The following HSPA12A variants were observed in gnomAD, a reference collection of about 807,000 sequenced individuals.
HSPA12A encodes heat shock 70 kDa protein 12A.
A neutral mutation model predicts 69.2 loss-of-function variants in HSPA12A; 28 were observed. The ratio of observed to expected loss-of-function variants is 0.40; its 90% CI spans 0.30 to 0.55. HSPA12A has a LOEUF of 0.55. Among genes scored for constraint, HSPA12A ranks in the 20% least tolerant of loss-of-function variants. The pLI is 0.38. For synonymous variants in HSPA12A, 345 were observed against 370.5 expected, an observed-to-expected ratio of 0.93 and a Z score of 0.79; for missense variants, 686 against 900.7, an observed-to-expected ratio of 0.76 and a Z score of 3.05.
chr10:116,712,072 C>T (rs908365154), intron 1 of HSPA12A, among the ~76,000 whole-genome samples: 2 of 152,226 alleles, frequency 1.3e-5, no homozygotes, highest in Middle Eastern at 3.4e-3. Context: ...GGGAACAGAC[C>T]TTTCTGGGAA....
chr10:116,800,925 C>T (rs1227248601), intron 2 of HSPA12A, among the ~76,000 whole-genome samples: 2 of 152,188 alleles, frequency 1.3e-5, no homozygotes, highest in Admixed American at 1.3e-4. Flanking sequence ...GGGGCAGGGG[C>T]GACAGAGCAG....
At chr10:116,836,627 A>T (rs376048831) in intron 1 of HSPA12A, among the ~76,000 whole-genome samples, 5 of 152,208 alleles carry the variant, frequency 3.3e-5, no homozygotes, top group African/African-American at 1.2e-4. Context: ...TGCAGAAGAG[A>T]ACAGTCTTTG....
At chr10:116,761,389 G>A (rs1052326105) in intron 2 of HSPA12A, among the ~76,000 whole-genome samples, 13 of 151,966 alleles carry the variant, frequency 8.6e-5, no homozygotes, top group Non-Finnish European at 1.5e-5. Context: ...GGGAGGCTAA[G>A]GTAGAAGAAT....
At chr10:116,787,944 A>T (rs1314167786) in intron 2 of HSPA12A, among the ~76,000 whole-genome samples, 1 of 151,756 alleles carries the variant, frequency 6.6e-6, no homozygotes, top group Admixed American at 6.5e-5. Context: ...CTATGGTGGA[A>T]GTTGGGGACA....
intron 2 of HSPA12A, among the ~76,000 whole-genome samples, chr10:116,801,130 C>T (rs1026072044): frequency 4.3e-4 from 66 of 152,304 alleles, no homozygotes; most frequent in African/African-American, 1.5e-3. Flanking sequence ...AAATTGATTT[C>T]AACACATCCT....
rs562417819 is a variant in HSPA12A, at chr10:116,786,092, G to A, written c.91+48843C>T. Among the ~76,000 whole-genome samples, 26 of 152,308 alleles carry A rather than the reference G, an allele frequency of 1.7e-4. No individual in the cohort carries two copies. In the South Asian group the frequency reaches 5.0e-3, roughly 29 times the overall value. The stretch of plus-strand genomic sequence containing the variant: ...GTTCACCTATGAGGTTAGCGCCAGA[G>A]AAGCCCCACGTGGAGCCTCTCGGGT... On this transcript the variant is annotated intron_variant, in intron 2 of 12. Coordinates refer to the HSPA12A transcript ENST00000635765.
intron 2 of HSPA12A, among the ~76,000 whole-genome samples, chr10:116,757,355 G>A (rs1314114079): frequency 6.6e-6 from 1 of 152,212 alleles, no homozygotes; most frequent in Non-Finnish European, 1.5e-5. Context: ...CCAGGTCCAA[G>A]TGACAGGGCT....
At chr10:116,796,279 A>G (rs1844825299) in intron 2 of HSPA12A, among the ~76,000 whole-genome samples, 2 of 152,042 alleles carry the variant, frequency 1.3e-5, no homozygotes, top group South Asian at 4.1e-4. Flanking sequence ...GTTAGCTGTT[A>G]TAATAATAAT....
In HSPA12A at chr10:116,775,976, C is replaced by T. The variant is rs578076314; in HGVS notation, c.91+58959G>A. Among the ~76,000 whole-genome samples the T allele has an allele frequency of 1.2e-4, 19 of 152,298 alleles. No homozygotes were observed. The East Asian group carries it at 2.1e-3, about 17-fold the overall frequency. On this transcript the variant is annotated intron_variant, in intron 2 of 12. Transcript: ENST00000635765. The stretch of plus-strand genomic sequence containing the variant: ...CATAAAAGAAGTTAATGTGGCCTCA[C>T]GTTGGTGGTGAGTGAGGGGCTTTGG...
intron 2 of HSPA12A, among the ~76,000 whole-genome samples, chr10:116,758,847 G>C (rs1843908048): frequency 1.3e-5 from 2 of 152,140 alleles, no homozygotes; most frequent in African/African-American, 4.8e-5. Context: ...GTAGAAAATA[G>C]AAAAGCCTGA....
rs531317040 is a variant in HSPA12A at position 116,791,497 on chromosome 10, T to C, written c.91+43438A>G. Among the ~76,000 whole-genome samples, 29 of 152,314 alleles carry C rather than the reference T, an allele frequency of 1.9e-4. No homozygotes were observed. The East Asian group carries it at 4.8e-3, about 25-fold the overall frequency. Reference sequence around the variant, plus strand: ...AGAGTAAAGCAGCCAATTAGTGCAATTGCAATTCAGAAGAAGAATAGAGGT... The same window carrying C: ...AGAGTAAAGCAGCCAATTAGTGCAACTGCAATTCAGAAGAAGAATAGAGGT... On this transcript the variant is annotated intron_variant, in intron 2 of 12. Coordinates refer to the HSPA12A transcript ENST00000635765.
At chr10:116,809,436 C>G (rs1845131586) in intron 2 of HSPA12A, among the ~76,000 whole-genome samples, 1 of 152,206 alleles carries the variant, frequency 6.6e-6, no homozygotes, top group Non-Finnish European at 1.5e-5. Context: ...TTCTAAATTT[C>G]TCAAAGCCTT....
intron 2 of HSPA12A, among the ~76,000 whole-genome samples, chr10:116,813,339 G>A (rs1012052360): frequency 1.2e-4 from 17 of 141,686 alleles, no homozygotes; most frequent in African/African-American, 2.6e-4. Context: ...TCCGCCTCCC[G>A]GGTTCATGCC....
intron 2 of HSPA12A, among the ~76,000 whole-genome samples, chr10:116,776,049 C>T (rs1844329443): frequency 6.6e-6 from 1 of 152,166 alleles, no homozygotes; most frequent in Admixed American, 6.5e-5. Flanking sequence ...GTTAAGTGAC[C>T]CATCCCATTG....
chr10:116,811,102 T>G (rs1363668210), intron 2 of HSPA12A, among the ~76,000 whole-genome samples: 1 of 152,086 alleles, frequency 6.6e-6, no homozygotes, highest in Non-Finnish European at 1.5e-5. Context: ...GGAGGCAACA[T>G]TTCAGCTGGA....
chr10:116,692,870 C>A (rs1033450216), intron 5 of HSPA12A, among the ~76,000 whole-genome samples: 1 of 152,182 alleles, frequency 6.6e-6, no homozygotes, highest in Non-Finnish European at 1.5e-5. Context: ...GTGCTTATCA[C>A]GTATCTGCCA....
upstream of HSPA12A, chr10:116,849,903 C>G (rs1178005876): frequency 2.5e-6 from 2 of 800,226 alleles, no homozygotes; most frequent in Admixed American, 2.0e-5. Context: ...GGAAGGACAC[C>G]CAGGGGTGAA....
chr10:116,811,490 C>T (rs1406192721), intron 2 of HSPA12A, among the ~76,000 whole-genome samples: 1 of 151,488 alleles, frequency 6.6e-6, no homozygotes, highest in African/African-American at 2.4e-5. Flanking sequence ...CTCCCTCACA[C>T]CAAAGGCAAG....
intron 2 of HSPA12A, among the ~76,000 whole-genome samples, chr10:116,789,837 G>T (rs1844663368): frequency 6.6e-6 from 1 of 152,144 alleles, no homozygotes; most frequent in African/African-American, 2.4e-5. Flanking sequence ...ATCCCTGGAA[G>T]CTCTCTCCAG....
Sources: allele counts gnomAD v4.1 joint callset (sites outside exome capture counted in the v4.1 genomes callset), GRCh38; gene constraint gnomAD v4.1.1; transcripts MANE v1.5; gene names NCBI Gene and HGNC (gene_info 2026-07-23, HGNC 2026-07-21).